Variants in TMEM132D observed in about 807,000 individuals in gnomAD.
The protein encoded by TMEM132D is mature OL transmembrane protein.
TMEM132D carries 21 observed loss-of-function variants against 62.3 expected under a neutral mutation model. The ratio of observed to expected loss-of-function variants is 0.34; its 90% confidence interval spans 0.24 to 0.49. TMEM132D has a LOEUF of 0.49. TMEM132D is among the 20% of genes least tolerant of loss of function. The pLI is 0.99. For missense variants in TMEM132D, 1,346 were observed against 1,402.8 expected (o/e 0.96, Z 0.65); for synonymous variants, 621 against 575.6 (o/e 1.08, Z -1.13).
intron 5 of TMEM132D, among the ~76,000 whole-genome samples, chr12:129,150,973 C>A (rs925656122): frequency 6.6e-6 from 1 of 152,192 alleles, no homozygotes; most frequent in Non-Finnish European, 1.5e-5. Context: ...TGTTCCCCTG[C>A]CCTGAGTGGC....
At chr12:129,670,939 G>T (rs1223181562) in intron 2 of TMEM132D, among the ~76,000 whole-genome samples, 2 of 152,166 alleles carry the variant, frequency 1.3e-5, no homozygotes, top group Non-Finnish European at 2.9e-5. Flanking sequence ...ACATTCAGCA[G>T]AAGTTCGCAC....
intron 2 of TMEM132D, among the ~76,000 whole-genome samples, chr12:129,680,490 C>G (rs896062047): frequency 3.3e-5 from 5 of 152,138 alleles, no homozygotes; most frequent in Non-Finnish European, 7.3e-5. Context: ...TTCTGTTTGA[C>G]TATACTCATT....
intron 1 of TMEM132D, among the ~76,000 whole-genome samples, chr12:129,705,799 T>C (rs982653948): frequency 2.6e-5 from 4 of 151,966 alleles, no homozygotes; most frequent in African/African-American, 9.7e-5. Context: ...ACATTGAAAA[T>C]AGTAATAAAA....
At chr12:129,618,085 TAGGGAGCCTGCTAAACAC>T (rs1878970268) in intron 2 of TMEM132D, among the ~76,000 whole-genome samples, 2 of 152,136 alleles carry the variant, frequency 1.3e-5, no homozygotes, top group African/African-American at 4.8e-5. Context: ...AGAGACAACC[TAGGGAGCCTGCTAAACAC>T]AGAGCCTGGA....
At chr12:129,090,301 A>G (rs555667586) in intron 5 of TMEM132D, among the ~76,000 whole-genome samples, 1 of 152,164 alleles carries the variant, frequency 6.6e-6, no homozygotes, top group Non-Finnish European at 1.5e-5. Flanking sequence ...TGTCTTTAAT[A>G]TGAGGCTTTT....
chr12:129,704,426 C>T (rs1018233066), intron 1 of TMEM132D, among the ~76,000 whole-genome samples: 24 of 152,210 alleles, frequency 1.6e-4, no homozygotes, highest in African/African-American at 5.5e-4. Context: ...TAGGGGGCGC[C>T]GCGCTGCACA....
chr12:129,398,468 G>T (rs754237257), intron 3 of TMEM132D, among the ~76,000 whole-genome samples: 2 of 152,160 alleles, frequency 1.3e-5, no homozygotes, highest in Non-Finnish European at 2.9e-5. Flanking sequence ...AAGACAATCA[G>T]CAGACATGCC....
chr12:129,736,422 TA>T (rs1869424830), intron 1 of TMEM132D, among the ~76,000 whole-genome samples: 1 of 152,160 alleles, frequency 6.6e-6, no homozygotes, highest in Non-Finnish European at 1.5e-5. Flanking sequence ...ACACATAAAA[TA>T]AAATGTCAAA....
chr12:129,202,392 T>G (rs1413459695), intron 5 of TMEM132D, among the ~76,000 whole-genome samples: 1 of 152,182 alleles, frequency 6.6e-6, no homozygotes, highest in Non-Finnish European at 1.5e-5. Flanking sequence ...CAATGACAAC[T>G]GTATGAGCTG....
Position 129,484,479 on chromosome 12 carries a change from T to C in TMEM132D, c.1115+46580A>G, listed in dbSNP as rs183052161. On this transcript the variant is annotated intron_variant, in intron 3 of 8. Coordinates refer to ENST00000422113, the MANE Select transcript of TMEM132D (RefSeq NM_133448.3). ...TGCTATAAAATATCATCTCGTGCTC[T>C]AGAAAGGTCGCAAAGATTCTAGCAT... 1.1e-3 allele frequency among the ~76,000 whole-genome samples: 162 copies of C among 152,360 alleles called. 2 individuals are homozygous for C. Among genetic ancestry groups the C allele is most frequent in the Non-Finnish European group, 2.0e-3 (137 of 68,032 alleles).
intron 5 of TMEM132D, among the ~76,000 whole-genome samples, chr12:129,155,477 T>C (rs1010880942): frequency 6.6e-6 from 1 of 152,266 alleles, no homozygotes; most frequent in African/African-American, 2.4e-5. Flanking sequence ...AGAGAGTCAT[T>C]ATCATTCTTC....
At position 129,337,783 on chromosome 12, in the gene TMEM132D, C is replaced by T. The variant is rs1014277299; in HGVS notation, c.1150G>A (p.Asp384Asn). Residue 384 changes from aspartate (D) to asparagine (N), a missense_variant, in exon 4 of 9, where the codon GAT becomes AAT. Transcript: ENST00000422113. ...TCACCAGGCTCTTCCACCTCCACATCGATCTGCATGACCTCGTAGGAGGCG... is the reference window on the plus strand; with the variant it reads ...TCACCAGGCTCTTCCACCTCCACATTGATCTGCATGACCTCGTAGGAGGCG... The part of the protein sequence containing the change: ...DGASYEVMQI[D>N]VEVEEPGDLP... 6.2e-7 allele frequency: 1 copy of T among 1,613,596 alleles called. No homozygotes were observed. The highest frequency in any genetic ancestry group is 8.5e-7 in the Non-Finnish European group (1 of 1,179,732).
At chr12:129,538,764 A>G (rs973798078) in intron 2 of TMEM132D, among the ~76,000 whole-genome samples, 2 of 152,234 alleles carry the variant, frequency 1.3e-5, no homozygotes, top group Non-Finnish European at 2.9e-5. Context: ...TTTCTGCACA[A>G]TGAGATGAAG....
rs150333530 is a variant in TMEM132D, at chr12:129,410,233, C to T, written c.1116-72416G>A. Among the ~76,000 whole-genome samples the T allele has an allele frequency of 2.9e-3, 443 of 152,278 alleles. 3 individuals are homozygous for T. The highest frequency in any genetic ancestry group is 0.01 in the Middle Eastern group (3 of 294). ...AATGACCACAGAGGGACAGGGGTTT[C>T]CACACAGGAAAACACAGTACAGAGT... On this transcript the variant is annotated intron_variant, in intron 3 of 8. Coordinates refer to ENST00000422113, the MANE Select transcript of TMEM132D (RefSeq NM_133448.3).
At chr12:129,191,971 A>G (rs1275162776) in intron 5 of TMEM132D, among the ~76,000 whole-genome samples, 2 of 152,238 alleles carry the variant, frequency 1.3e-5, no homozygotes, top group Non-Finnish European at 2.9e-5. Context: ...AGTTACAAAC[A>G]TTTTAATTTT....
chr12:129,155,415 A>G (rs551312681), intron 5 of TMEM132D, among the ~76,000 whole-genome samples: 10 of 152,122 alleles, frequency 6.6e-5, no homozygotes, highest in Admixed American at 5.2e-4. Context: ...TTTTTTTGAA[A>G]TGTTGTGAAT....
chr12:129,589,171 G>C (rs1021855417), intron 2 of TMEM132D, among the ~76,000 whole-genome samples: 1 of 152,148 alleles, frequency 6.6e-6, no homozygotes, highest in Non-Finnish European at 1.5e-5. Context: ...GACCCAGTGG[G>C]AGATAATGGA....
In TMEM132D at chr12:129,728,260, G is replaced by A. The variant is rs532755406; in HGVS notation, c.80-27562C>T. ...CAGCACAGAAAGTTCCTTAAAACCA[G>A]GACAGAAATAAAATAAACTGTATTT... On this transcript the variant is annotated intron_variant, in intron 1 of 8. Transcript: ENST00000422113. Among the ~76,000 whole-genome samples the A allele has an allele frequency of 2.1e-3, 317 of 152,184 alleles. 2 individuals are homozygous for A. The highest frequency in any genetic ancestry group is 7.3e-3 in the African/African-American group (303 of 41,526).
chr12:129,846,554 C>T (rs972800535), intron 1 of TMEM132D, among the ~76,000 whole-genome samples: 1 of 152,138 alleles, frequency 6.6e-6, no homozygotes, highest in Non-Finnish European at 1.5e-5. Context: ...CTCTTTTTAG[C>T]AAGTCCGTTA....
Sources: allele counts gnomAD v4.1 joint callset (sites outside exome capture counted in the v4.1 genomes callset), GRCh38; gene constraint gnomAD v4.1.1; transcripts MANE v1.5; gene names NCBI Gene and HGNC (gene_info 2026-07-23, HGNC 2026-07-21).